LAMC2: variants seen among roughly 807,000 people sequenced by gnomAD.
LAMC2 encodes laminin subunit gamma-2.
A neutral mutation model predicts 140.2 loss-of-function variants in LAMC2; 97 were observed. That is an observed-to-expected ratio of 0.69 (90% CI 0.59 to 0.82). LAMC2 has a LOEUF of 0.82. LAMC2 is among the 40% of genes least tolerant of loss of function. The probability of loss-of-function intolerance (pLI) is 0.00; values close to 1 mark genes in which losing one functional copy is unlikely to be tolerated. For missense variants in LAMC2, 1,402 were observed against 1,476.1 expected (o/e 0.95, Z 0.82); for synonymous variants, 513 against 540.2 (o/e 0.95, Z 0.70).
At chr1:183,219,111 C>G (rs1312580982) in intron 4 of LAMC2, among the ~76,000 whole-genome samples, 1 of 152,198 alleles carries the variant, frequency 6.6e-6, no homozygotes, top group African/African-American at 2.4e-5. Context: ...TGTGCTCTGG[C>G]TTTAAACTCT....
intron 13 of LAMC2, 102 bp downstream of exon 13, chr1:183,232,445 T>C (rs1367568229): frequency 7.3e-7 from 1 of 1,361,958 alleles, no homozygotes; most frequent in Admixed American, 1.9e-5. Context: ...AGTTCAGCAG[T>C]TATCTCCAGC....
At chr1:183,227,902 A>C (rs1205277579) in intron 10 of LAMC2, among the ~76,000 whole-genome samples, 2 of 152,208 alleles carry the variant, frequency 1.3e-5, no homozygotes, top group African/African-American at 4.8e-5. Context: ...GCAGAGTGCA[A>C]TTATGGGAGA....
intron 1 of LAMC2, among the ~76,000 whole-genome samples, chr1:183,190,507 G>C (rs1478899364): frequency 6.6e-6 from 1 of 151,638 alleles, no homozygotes; most frequent in Non-Finnish European, 1.5e-5. Flanking sequence ...TCATCCACCA[G>C]ACCTCATCAC....
chr1:183,230,885 C>G (rs970961242), intron 11 of LAMC2, 76 bp from the exon 12 acceptor site: 14 of 1,550,358 alleles, frequency 9.0e-6, no homozygotes, highest in Middle Eastern at 3.4e-4. Flanking sequence ...GCTTGATCTC[C>G]TTCCTTGTAT....
intron 5 of LAMC2, among the ~76,000 whole-genome samples, chr1:183,221,482 A>G (rs1397022849): frequency 6.6e-6 from 1 of 152,142 alleles, no homozygotes; most frequent in Admixed American, 6.5e-5. Context: ...TAATCCCAGC[A>G]CTTTGGGAGG....
chr1:183,202,997 T>C (rs1658767852), intron 1 of LAMC2, among the ~76,000 whole-genome samples: 1 of 152,238 alleles, frequency 6.6e-6, no homozygotes, highest in African/African-American at 2.4e-5. Context: ...CACTGTGTGA[T>C]ATAATAGGGC....
At chr1:183,208,240 C>G (rs992218466) in intron 2 of LAMC2, among the ~76,000 whole-genome samples, 171 bp downstream of exon 2, 1 of 152,132 alleles carries the variant, frequency 6.6e-6, no homozygotes, top group Non-Finnish European at 1.5e-5. Flanking sequence ...CAACTGGGAA[C>G]CTACCAGACA....
chr1:183,258,461 C>T, the LAMC2 span, among the ~76,000 whole-genome samples: 1 of 152,154 alleles, frequency 6.6e-6, no homozygotes, highest in Non-Finnish European at 1.5e-5. Context: ...GTCCTTGTTC[C>T]TGGTGTAGGC....
rs1240624199 is a variant in LAMC2 at position 183,238,559 on chromosome 1, GA to G, written c.2869+142del. On this transcript the variant is annotated intron_variant, in intron 19 of 22. Coordinates refer to ENST00000264144, the MANE Select transcript of LAMC2 (RefSeq NM_005562.3). ...GATCCTTAGTAAATATCTTTCTAAA[GA>G]AAATCTTAATGCATTAATATTTAAT... 56 of 652,826 alleles carry G rather than the reference GA, an allele frequency of 8.6e-5. 1 individual carries two copies. In the East Asian group the frequency reaches 1.1e-3, roughly 12 times the overall value. The allele number at this position is 652,826 out of a possible 1,614,324, so 40.4% of individuals were successfully genotyped here. A position where few individuals can be genotyped will look rare whatever the true frequency, so the allele number is the denominator to read the frequency against.
chr1:183,204,905 C>T (rs1445772501), intron 1 of LAMC2, among the ~76,000 whole-genome samples: 1 of 152,080 alleles, frequency 6.6e-6, no homozygotes, highest in East Asian at 1.9e-4. Flanking sequence ...TCACTGCAAC[C>T]TCCTCCTCCC....
chr1:183,208,971 G>A (rs1473566021), intron 2 of LAMC2, among the ~76,000 whole-genome samples: 3 of 149,788 alleles, frequency 2.0e-5, no homozygotes, highest in South Asian at 2.1e-4. Context: ...GAGCCACCGC[G>A]CCTGGCTAGT....
intron 3 of LAMC2, among the ~76,000 whole-genome samples, chr1:183,217,034 G>A (rs559044076): frequency 8.5e-5 from 13 of 152,122 alleles, no homozygotes; most frequent in South Asian, 2.1e-4. Flanking sequence ...GAAGGAGGCC[G>A]TGAGAATTCA....
At chr1:183,233,320 G>C (rs1659853601) in intron 14 of LAMC2, among the ~76,000 whole-genome samples, 6 of 152,066 alleles carry the variant, frequency 3.9e-5, no homozygotes, top group Admixed American at 3.9e-4. Context: ...AGGGAAAGAA[G>C]AACAAAGGAA....
At position 183,241,399 on chromosome 1, in the gene LAMC2, G is replaced by A. The variant is rs1387318169; in HGVS notation, c.3328+1008G>A. On this transcript the variant is annotated intron_variant, in intron 22 of 22. Transcript: ENST00000264144. ...GAAGAAATGTGATGAGAGTAGGCCT[G>A]TGAGATAATTTTAGGAAGATCTGAT... 6 of 841,756 alleles carry A rather than the reference G, an allele frequency of 7.1e-6. No homozygotes were observed. The African/African-American group carries it at 1.1e-4, about 15-fold the overall frequency. The allele number at this position is 841,756 out of a possible 1,614,324, so 52.1% of individuals were successfully genotyped here. A position where few individuals can be genotyped will look rare whatever the true frequency, so the allele number is the denominator to read the frequency against.
At chr1:183,254,793 G>A in the LAMC2 span, among the ~76,000 whole-genome samples, 1 of 152,160 alleles carries the variant, frequency 6.6e-6, no homozygotes, top group African/African-American at 2.4e-5. Flanking sequence ...AGTTGTGTAA[G>A]TTCTTTATAA....
At chr1:183,235,334 G>A (rs547265660) in intron 15 of LAMC2, among the ~76,000 whole-genome samples, 1 of 152,256 alleles carries the variant, frequency 6.6e-6, no homozygotes, top group East Asian at 1.9e-4. Flanking sequence ...CCCCGCTCCG[G>A]GACTCCAGTG....
At chr1:183,225,853 A>G (rs1659610758) in intron 8 of LAMC2, 133 bp downstream of exon 8, 2 of 665,114 alleles carry the variant, frequency 3.0e-6, no homozygotes, top group South Asian at 3.3e-5. Flanking sequence ...TCACTGATTC[A>G]ATCTGAATTT....
In LAMC2 at chr1:183,208,026, C is replaced by G. The variant is rs758975911; in HGVS notation, c.225C>G (p.His75Gln). 1 of 1,613,888 alleles carries G rather than the reference C, an allele frequency of 6.2e-7. No homozygotes were observed. The highest frequency in any genetic ancestry group is 8.5e-7 in the Non-Finnish European group (1 of 1,180,012). Reference protein sequence around the residue: ...CEKCKNGFYRHRERDRCLPCN... With the variant: ...CEKCKNGFYRQRERDRCLPCN... ...AGTGCAAGAATGGCTTTTACCGGCA[C>G]AGAGAAAGGGACCGCTGTTTGCCCT... The change falls in exon 2 of 23, where the codon CAC becomes CAG. Residue 75 changes from histidine (H) to glutamine (Q), a missense_variant. Transcript: ENST00000264144.
At position 183,243,714 on chromosome 1, in the gene LAMC2, G is replaced by A. The variant is rs2102258855; in HGVS notation, c.*314G>A. 2.4e-6 allele frequency: 1 copy of A among 414,304 alleles called. No homozygotes were observed. The highest frequency in any genetic ancestry group is 4.5e-6 in the Non-Finnish European group (1 of 221,892). The allele number at this position is 414,304 out of a possible 1,614,324, so 25.7% of individuals were successfully genotyped here. A position where few individuals can be genotyped will look rare whatever the true frequency, so the allele number is the denominator to read the frequency against. On this transcript the variant is annotated 3_prime_UTR_variant, in exon 23 of 23. Transcript: ENST00000264144. Reference sequence around the variant, plus strand: ...GATGTTTGCCTCATAATAGTCGTAAGTGGAGTCCTGGAATTTGGACAAGTG... The same window carrying A: ...GATGTTTGCCTCATAATAGTCGTAAATGGAGTCCTGGAATTTGGACAAGTG...
Sources: gnomAD v4.1 joint callset for allele counts (sites outside exome capture counted in the v4.1 genomes callset) on GRCh38, gnomAD v4.1.1 for gene constraint, MANE v1.5 for transcripts, NCBI Gene and HGNC (gene_info 2026-07-23, HGNC 2026-07-21) for gene names.